Variants in PLGRKT observed in about 807,000 individuals in gnomAD.
PLGRKT encodes plasminogen receptor with a C-terminal lysine.
Under a neutral mutation model 18.5 loss-of-function variants are expected in PLGRKT, and 22 were observed. The observed-to-expected ratio is 1.19, with a 90% CI of 0.85 to 1.70. The LOEUF (loss-of-function observed/expected upper bound fraction) is 1.70. PLGRKT is among the 40% of genes most tolerant of loss of function. The pLI is 0.00. For missense variants in PLGRKT, 235 were observed against 174.4 expected (o/e 1.35, Z -1.96); for synonymous variants, 72 against 52.8 (o/e 1.36, Z -1.58).
rs542503374 is a variant in PLGRKT, at chr9:5,406,198, T to C, written c.81+25699A>G. ...AGTTCAACCTTTGTGGAAGACAGTA[T>C]GGCAATTTCTCAAAGATTTAGAACC... On this transcript the variant is annotated intron_variant, in intron 3 of 5. Coordinates refer to ENST00000223864, the MANE Select transcript of PLGRKT (RefSeq NM_018465.4). Among the ~76,000 whole-genome samples the C allele has an allele frequency of 1.0e-3, 152 of 152,362 alleles. 2 individuals are homozygous for C. Among genetic ancestry groups the C allele is most frequent in the Admixed American group, 1.6e-3 (25 of 15,310 alleles).
At chr9:5,379,499 T>A (rs1290356919) in intron 3 of PLGRKT, among the ~76,000 whole-genome samples, 2 of 151,630 alleles carry the variant, frequency 1.3e-5, no homozygotes, top group Non-Finnish European at 2.9e-5. Context: ...TGTGAGTGGA[T>A]ATGTGTGTGT....
rs144372028 is a variant in PLGRKT at position 5,379,238 on chromosome 9, T to C, written c.82-17350A>G. On this transcript the variant is annotated intron_variant, in intron 3 of 5. Transcript: ENST00000223864. ...TATAATACCCAGGAAGAAATACTAA[T>C]CAAAATCTGATCAGAAATTACTTTA... Among the ~76,000 whole-genome samples the C allele has an allele frequency of 1.8e-3, 272 of 152,252 alleles. 1 individual carries two copies. The highest frequency in any genetic ancestry group is 6.1e-3 in the African/African-American group (253 of 41,554).
intron 3 of PLGRKT, among the ~76,000 whole-genome samples, chr9:5,376,992 A>G (rs1187079541): frequency 1.3e-5 from 2 of 152,234 alleles, no homozygotes; most frequent in African/African-American, 4.8e-5. Context: ...TAATTTTTAT[A>G]AAGAAATAAA....
At chr9:5,434,099 G>A (rs1351035456) in intron 2 of PLGRKT, among the ~76,000 whole-genome samples, 4 of 140,652 alleles carry the variant, frequency 2.8e-5, no homozygotes, top group African/African-American at 1.1e-4. Flanking sequence ...CCTCTGCCCG[G>A]CTGCCACCCT....
Position 5,368,339 on chromosome 9 carries a change from C to T in PLGRKT, c.82-6451G>A, listed in dbSNP as rs1817440728. ...AAGACATGGAATCAACCTAGGTGCC[C>T]ATCAATGGTGGATTGGCGAAAGAAA... On this transcript the variant is annotated intron_variant, in intron 3 of 5. Transcript: ENST00000223864. Among the ~76,000 whole-genome samples the T allele has an allele frequency of 2.0e-5, 3 of 152,130 alleles. No homozygotes were observed. The South Asian group carries it at 6.2e-4, about 32-fold the overall frequency.
At chr9:5,412,560 G>A (rs1322579229) in intron 3 of PLGRKT, among the ~76,000 whole-genome samples, 2 of 152,166 alleles carry the variant, frequency 1.3e-5, no homozygotes, top group Non-Finnish European at 2.9e-5. Flanking sequence ...ATGTCCTGAT[G>A]CAGAAGGAAG....
chr9:5,382,102 T>C (rs1276979990), intron 3 of PLGRKT: 1 of 701,602 alleles, frequency 1.4e-6, no homozygotes, highest in Non-Finnish European at 1.8e-6. Flanking sequence ...ATTATTCCTA[T>C]AATAAATCGT....
intron 3 of PLGRKT, among the ~76,000 whole-genome samples, chr9:5,386,941 G>A (rs919343251): frequency 1.3e-5 from 2 of 151,916 alleles, no homozygotes; most frequent in South Asian, 2.1e-4. Context: ...ACAGCAAAGT[G>A]ACCCATGTGG....
At chr9:5,375,258 T>A (rs1335141704) in intron 3 of PLGRKT, among the ~76,000 whole-genome samples, 2 of 152,192 alleles carry the variant, frequency 1.3e-5, no homozygotes, top group African/African-American at 2.4e-5. Flanking sequence ...AGTATTGACA[T>A]GCGAGCTAAG....
In PLGRKT at chr9:5,424,689, T is replaced by TATATACAC. The variant is rs1563790070; in HGVS notation, c.81+7207_81+7208insGTGTATAT. On this transcript the variant is annotated intron_variant, in intron 3 of 5. Coordinates refer to ENST00000223864, the MANE Select transcript of PLGRKT (RefSeq NM_018465.4). ...TATTTTATATATATATATATATATA[T>TATATACAC]ATACACACAGGGGGGGGAGAGAGGG... Among the ~76,000 whole-genome samples the TATATACAC allele has an allele frequency of 7.1e-5, 5 of 70,866 alleles. No homozygotes were observed. The East Asian group carries it at 8.2e-4, about 12-fold the overall frequency. 46.5% of individuals were successfully genotyped at this position (70,866 alleles called of 152,430 possible).
chr9:5,421,163 A>G (rs1586740818), intron 3 of PLGRKT, among the ~76,000 whole-genome samples: 1 of 152,258 alleles, frequency 6.6e-6, no homozygotes, highest in South Asian at 2.1e-4. Flanking sequence ...CCATCCTTTC[A>G]GAGTTCTGGC....
At chr9:5,407,059 C>A (rs974975171) in intron 3 of PLGRKT, among the ~76,000 whole-genome samples, 3 of 152,080 alleles carry the variant, frequency 2.0e-5, no homozygotes, top group South Asian at 2.1e-4. Flanking sequence ...ACTTTGAGGT[C>A]TTCATGTATA....
At chr9:5,431,482 C>T (rs1370726568) in intron 3 of PLGRKT, among the ~76,000 whole-genome samples, 1 of 150,016 alleles carries the variant, frequency 6.7e-6, no homozygotes, top group East Asian at 1.9e-4. Flanking sequence ...TGCAGTGAGC[C>T]CAGATCATAC....
intron 3 of PLGRKT, among the ~76,000 whole-genome samples, chr9:5,366,594 C>G (rs1024561126): frequency 3.9e-5 from 6 of 152,092 alleles, no homozygotes; most frequent in Non-Finnish European, 7.4e-5. Flanking sequence ...AGGAACATAT[C>G]TCAAAATAAT....
chr9:5,413,880 T>C (rs1455644123), intron 3 of PLGRKT, among the ~76,000 whole-genome samples: 2 of 152,224 alleles, frequency 1.3e-5, no homozygotes, highest in East Asian at 1.9e-4. Flanking sequence ...TAAAGATCTC[T>C]ATGAATTGAT....
chr9:5,375,789 G>T (rs1817615567), intron 3 of PLGRKT, among the ~76,000 whole-genome samples: 1 of 152,128 alleles, frequency 6.6e-6, no homozygotes, highest in African/African-American at 2.4e-5. Context: ...AAAATGGTAA[G>T]GTGATTCCTA....
At chr9:5,431,531 C>CAAAAAAAAAAAAAAA (rs1191361436) in intron 3 of PLGRKT, among the ~76,000 whole-genome samples, 1 of 77,038 alleles carries the variant, frequency 1.3e-5, no homozygotes, top group African/African-American at 4.8e-5. Flanking sequence ...GAGACTCTCT[C>CAAAAAAAAAAAAAAA]AAAAAAAAAA....
At chr9:5,413,384 C>T (rs905852108) in intron 3 of PLGRKT, among the ~76,000 whole-genome samples, 10 of 151,988 alleles carry the variant, frequency 6.6e-5, no homozygotes, top group South Asian at 4.1e-4. Context: ...TATCTCCTTA[C>T]GTGGCAAAAA....
At position 5,405,715 on chromosome 9, in the gene PLGRKT, A is replaced by C. The variant is rs1454369255; in HGVS notation, c.81+26182T>G. Among the ~76,000 whole-genome samples, 7 of 152,250 alleles carry C rather than the reference A, an allele frequency of 4.6e-5. No individual in the cohort carries two copies. The South Asian group carries it at 1.4e-3, about 31-fold the overall frequency. The stretch of plus-strand genomic sequence containing the variant: ...AGGCATAGGCAAAGATTTTATGATG[A>C]AATTGCCAAAGGCAACTGCAACAAA... On this transcript the variant is annotated intron_variant, in intron 3 of 5. Transcript: ENST00000223864.
Sources: allele counts gnomAD v4.1 joint callset (sites outside exome capture counted in the v4.1 genomes callset), GRCh38; gene constraint gnomAD v4.1.1; transcripts MANE v1.5; gene names NCBI Gene and HGNC (gene_info 2026-07-23, HGNC 2026-07-21).